DGKD: variants seen among roughly 807,000 people sequenced by gnomAD.
The protein encoded by DGKD is DAG kinase delta.
Under a neutral mutation model 154.4 loss-of-function variants are expected in DGKD, and 68 were observed. The ratio of observed to expected loss-of-function variants is 0.44; its 90% CI spans 0.36 to 0.54. The LOEUF (loss-of-function observed/expected upper bound fraction) is 0.54. DGKD is among the 20% of genes least tolerant of loss of function. The pLI, the probability that DGKD is intolerant of heterozygous loss-of-function variation, is 0.00. For missense variants in DGKD, 1,343 were observed against 1,593.6 expected, an observed-to-expected ratio of 0.84 and a Z score of 2.68; for synonymous variants, 693 against 638.0, an observed-to-expected ratio of 1.09 and a Z score of -1.30.
chr2:233,462,538 C>G, intron 25 of DGKD, 79 bp downstream of exon 25: 2 of 1,524,740 alleles, frequency 1.3e-6, no homozygotes, highest in Non-Finnish European at 1.8e-6. Flanking sequence ...TGTTCATTCC[C>G]CCGCCTCCCC....
chr2:233,432,691 A>G (rs2125584226), intron 3 of DGKD, among the ~76,000 whole-genome samples: 1 of 152,250 alleles, frequency 6.6e-6, no homozygotes, highest in Admixed American at 6.5e-5. Context: ...CAAAAATTGA[A>G]AACTATTCCT....
intron 3 of DGKD, among the ~76,000 whole-genome samples, chr2:233,421,167 T>A (rs2062100757): frequency 6.6e-6 from 1 of 152,116 alleles, no homozygotes; most frequent in Non-Finnish European, 1.5e-5. Flanking sequence ...CACCGTGCCC[T>A]CAGCATGTCC....
At chr2:233,375,301 A>G (rs1449375689) in intron 1 of DGKD, among the ~76,000 whole-genome samples, 1 of 152,094 alleles carries the variant, frequency 6.6e-6, no homozygotes, top group Non-Finnish European at 1.5e-5. Context: ...AAAAAAGGAA[A>G]AAAAAGAAAA....
intron 1 of DGKD, among the ~76,000 whole-genome samples, chr2:233,361,864 C>G (rs58222850): frequency 0.12 from 17,803 of 152,074 alleles, 1,471 homozygotes; most frequent in African/African-American, 0.23. Context: ...GGCATGATCT[C>G]AGCTCACTAC....
Position 233,454,893 on chromosome 2 carries a change from G to T in DGKD, c.2375+20G>T, listed in dbSNP as rs1349015467. 1 of 1,492,556 alleles carries T rather than the reference G, an allele frequency of 6.7e-7. No individual in the cohort carries two copies. Among genetic ancestry groups the T allele is most frequent in the Non-Finnish European group, 9.3e-7 (1 of 1,070,346 alleles). 92.5% of individuals were successfully genotyped at this position (1,492,556 alleles called of 1,614,324 possible). On this transcript the variant is annotated intron_variant, in intron 19 of 29. Transcript: ENST00000264057. ...GTGCAGGTAGGTAACAGGCTCAGGA[G>T]CACGTCTGTCTTTTGCGTCTTTGTG...
intron 1 of DGKD, among the ~76,000 whole-genome samples, chr2:233,362,728 T>C (rs1385314705): frequency 6.6e-6 from 1 of 152,212 alleles, no homozygotes; most frequent in Non-Finnish European, 1.5e-5. Flanking sequence ...ACAGATTCGA[T>C]AGCCGTATGA....
chr2:233,369,366 T>A (rs1315459004), intron 1 of DGKD, among the ~76,000 whole-genome samples: 1 of 152,236 alleles, frequency 6.6e-6, no homozygotes, highest in Non-Finnish European at 1.5e-5. Context: ...TGTTTTCTAA[T>A]CTTGGTCAGC....
intron 3 of DGKD, among the ~76,000 whole-genome samples, chr2:233,407,085 A>G (rs181660252): frequency 6.6e-6 from 1 of 152,318 alleles, no homozygotes; most frequent in African/African-American, 2.4e-5. Context: ...GTGAAATGGG[A>G]TAATACTGGA....
intron 1 of DGKD, among the ~76,000 whole-genome samples, chr2:233,383,696 C>T (rs1703016569): frequency 6.6e-6 from 1 of 152,146 alleles, no homozygotes; most frequent in Non-Finnish European, 1.5e-5. Flanking sequence ...TTGCTGAAGT[C>T]CCCCTCCCTC....
chr2:233,467,532 G>A (rs193170965), intron 28 of DGKD, among the ~76,000 whole-genome samples: 6 of 152,336 alleles, frequency 3.9e-5, no homozygotes, highest in Admixed American at 3.9e-4. Context: ...CTCAGGCCGT[G>A]CTGGGGCATG....
chr2:233,413,584 A>G (rs997394198), intron 3 of DGKD, among the ~76,000 whole-genome samples: 2 of 152,154 alleles, frequency 1.3e-5, no homozygotes, highest in Admixed American at 1.3e-4. Flanking sequence ...CCTGGCACCA[A>G]ATAGCCACAC....
chr2:233,449,488 C>T lies in DGKD; in HGVS notation c.1888+112C>T, dbSNP rs1353080926. The T allele has an allele frequency of 2.4e-5, 33 of 1,391,734 alleles. No homozygotes were observed. The Admixed American group carries it at 3.1e-4, about 13-fold the overall frequency. 86.2% of individuals were successfully genotyped at this position (1,391,734 alleles called of 1,614,324 possible). On this transcript the variant is annotated intron_variant, in intron 15 of 29. Coordinates refer to ENST00000264057, the MANE Select transcript of DGKD (RefSeq NM_152879.3). The surrounding 1 kb of genome is among the most constrained non-coding windows in gnomAD (Gnocchi z 5.3). ...GTGCATGTTGAGAAAACCTCCACTG[C>T]GGCCCTCTCCACCCATGTCCAGGCA...
Position 233,436,296 on chromosome 2 carries a change from G to C in DGKD, c.694-20G>C. 6.2e-7 allele frequency: 1 copy of C among 1,614,026 alleles called. No individual in the cohort carries two copies. Among genetic ancestry groups the C allele is most frequent in the Non-Finnish European group, 8.5e-7 (1 of 1,179,992 alleles). Reference sequence around the variant, plus strand: ...GGAACCTTGGGAGCGTCCCTAGTGCGTGCCTCTGTTTGGTTGCAGATTGCA... The same window carrying C: ...GGAACCTTGGGAGCGTCCCTAGTGCCTGCCTCTGTTTGGTTGCAGATTGCA... On this transcript the variant is annotated intron_variant, in intron 6 of 29. Transcript: ENST00000264057.
rs1362770979 is a variant in DGKD, at chr2:233,449,753, C to G, written c.1889-229C>G. On this transcript the variant is annotated intron_variant, in intron 15 of 29. Transcript: ENST00000264057. This position sits in a 1 kb window ranked among gnomAD's most constrained non-coding sequence, Gnocchi z 5.3. Reference sequence around the variant, plus strand: ...CAGGCTCCTCTGCATCCCTTGCCTTCCCCTGCAAGGGTTCCAGACCTCCCA... The same window carrying G: ...CAGGCTCCTCTGCATCCCTTGCCTTGCCCTGCAAGGGTTCCAGACCTCCCA... Among the ~76,000 whole-genome samples, 5 of 152,192 alleles carry G rather than the reference C, an allele frequency of 3.3e-5. No individual in the cohort carries two copies. The highest frequency in any genetic ancestry group is 7.3e-5 in the Non-Finnish European group (5 of 68,032).
At chr2:233,462,896 C>T (rs1032894768) in intron 26 of DGKD, among the ~76,000 whole-genome samples, 161 bp downstream of exon 26, 1 of 152,224 alleles carries the variant, frequency 6.6e-6, no homozygotes. Flanking sequence ...CTGGTGCCCA[C>T]CCCTGCTGGC....
intron 3 of DGKD, among the ~76,000 whole-genome samples, chr2:233,402,093 T>G (rs2061575108): frequency 6.6e-6 from 1 of 152,102 alleles, no homozygotes; most frequent in Non-Finnish European, 1.5e-5. Context: ...GGTCACCTGC[T>G]GGCCCTGGTC....
In DGKD at chr2:233,458,530, C is replaced by T. The variant is rs1189517111; in HGVS notation, c.2694+133C>T. On this transcript the variant is annotated intron_variant, in intron 22 of 29. Transcript: ENST00000264057. The surrounding 1 kb of genome is among the most constrained non-coding windows in gnomAD (Gnocchi z 6.6). ...TGGCTGCCTCATGTCCTGTCCTGGACAGCTCGTGGCCCCACTTCCTGGGCC... is the reference window on the plus strand; with the variant it reads ...TGGCTGCCTCATGTCCTGTCCTGGATAGCTCGTGGCCCCACTTCCTGGGCC... 3.5e-6 allele frequency: 2 copies of T among 566,828 alleles called. No individual in the cohort carries two copies. Among genetic ancestry groups the T allele is most frequent in the Non-Finnish European group, 3.1e-6 (1 of 323,312 alleles). 35.1% of individuals were successfully genotyped at this position (566,828 alleles called of 1,614,324 possible).
At chr2:233,394,691 CTTTTTTTTTTTTTTTTT>C (rs1162430401) in intron 3 of DGKD, among the ~76,000 whole-genome samples, 3 of 26,394 alleles carry the variant, frequency 1.1e-4, no homozygotes, top group East Asian at 1.0e-3. Context: ...ATTTAATTCC[CTTTTTTTTTTTTTTTTT>C]TTTTTTTTTT....
chr2:233,409,213 GTGT>G (rs1333222196), intron 3 of DGKD, among the ~76,000 whole-genome samples: 1 of 152,190 alleles, frequency 6.6e-6, no homozygotes, highest in East Asian at 1.9e-4. Flanking sequence ...AAAAGTATTT[GTGT>G]TGTTAACACT....
Sources: allele counts gnomAD v4.1 joint callset (sites outside exome capture counted in the v4.1 genomes callset), GRCh38; gene constraint gnomAD v4.1.1; non-coding constraint Gnocchi (gnomAD v3.1); transcripts MANE v1.5; gene names NCBI Gene and HGNC (gene_info 2026-07-23, HGNC 2026-07-21).